The following FHIT variants were observed in gnomAD, a reference collection of about 807,000 sequenced individuals.
The protein encoded by FHIT is fragile histidine triad diadenosine triphosphatase.
FHIT carries 19 observed loss-of-function variants against 17.9 expected under a neutral mutation model. That is an observed-to-expected ratio of 1.06 (90% CI 0.74 to 1.56). FHIT has a LOEUF of 1.56. Among genes scored for constraint, FHIT ranks in the 40% most tolerant of loss-of-function variants. The probability of loss-of-function intolerance (pLI) is 0.00; values close to 1 mark genes in which losing one functional copy is unlikely to be tolerated. For missense variants in FHIT, 248 were observed against 189.2 expected, an observed-to-expected ratio of 1.31 and a Z score of -1.82; for synonymous variants, 81 against 69.7, an observed-to-expected ratio of 1.16 and a Z score of -0.81.
intron 3 of FHIT, among the ~76,000 whole-genome samples, chr3:60,895,595 G>C (rs189956583): frequency 1.3e-5 from 2 of 152,138 alleles, no homozygotes; most frequent in African/African-American, 4.8e-5. Flanking sequence ...ACAGCAATTA[G>C]TTGGTTTTCT....
intron 5 of FHIT, among the ~76,000 whole-genome samples, chr3:60,217,969 A>G (rs748054145): frequency 2.6e-5 from 4 of 152,198 alleles, no homozygotes; most frequent in Non-Finnish European, 4.4e-5. Context: ...GAGATTTGCA[A>G]AACTATAAAG....
At chr3:60,374,999 A>G (rs188875773) in intron 5 of FHIT, among the ~76,000 whole-genome samples, 1 of 152,188 alleles carries the variant, frequency 6.6e-6, no homozygotes, top group Non-Finnish European at 1.5e-5. Context: ...TGGAGCCTGA[A>G]AGGAGAGACT....
At chr3:61,248,418 C>T (rs183131666) in intron 1 of FHIT, among the ~76,000 whole-genome samples, 96 of 152,276 alleles carry the variant, frequency 6.3e-4, no homozygotes, top group Non-Finnish European at 1.1e-3. Flanking sequence ...ATATGGAAAT[C>T]ATCTTTCAGA....
chr3:60,117,141 T>C (rs907944691), intron 5 of FHIT, among the ~76,000 whole-genome samples: 9 of 122,004 alleles, frequency 7.4e-5, no homozygotes, highest in Admixed American at 7.0e-4. Context: ...AATTTTAATA[T>C]GCATTGGACT....
intron 8 of FHIT, among the ~76,000 whole-genome samples, chr3:59,855,017 A>T (rs1463531803): frequency 6.6e-6 from 1 of 152,216 alleles, no homozygotes; most frequent in African/African-American, 2.4e-5. Flanking sequence ...ACTCATATCC[A>T]GTGATCACAA....
intron 3 of FHIT, among the ~76,000 whole-genome samples, chr3:60,932,783 T>G (rs1708025227): frequency 6.6e-6 from 1 of 152,162 alleles, no homozygotes; most frequent in South Asian, 2.1e-4. Flanking sequence ...TCAGTTTTGG[T>G]GTCATCCACT....
chr3:60,101,307 G>A (rs901392189), intron 5 of FHIT, among the ~76,000 whole-genome samples: 1 of 152,164 alleles, frequency 6.6e-6, no homozygotes, highest in Non-Finnish European at 1.5e-5. Context: ...TGTCCACCTC[G>A]GGCCACTCTC....
At chr3:60,319,635 A>G (rs1396782707) in intron 5 of FHIT, among the ~76,000 whole-genome samples, 3 of 152,174 alleles carry the variant, frequency 2.0e-5, no homozygotes, top group Admixed American at 6.5e-5. Flanking sequence ...ATGAGCACAT[A>G]GAAGTCCGTG....
intron 5 of FHIT, among the ~76,000 whole-genome samples, chr3:60,137,353 A>T (rs1699858894): frequency 6.6e-6 from 1 of 152,178 alleles, no homozygotes; most frequent in South Asian, 2.1e-4. Context: ...CACACAATGC[A>T]TTTTTACAAG....
At chr3:60,977,802 T>C (rs1011185520) in intron 3 of FHIT, among the ~76,000 whole-genome samples, 2 of 151,158 alleles carry the variant, frequency 1.3e-5, no homozygotes, top group African/African-American at 4.9e-5. Flanking sequence ...ACCCAGGAGG[T>C]AGAGGTTGCA....
intron 4 of FHIT, among the ~76,000 whole-genome samples, chr3:60,552,836 A>G (rs2036605218): frequency 6.6e-6 from 1 of 152,166 alleles, no homozygotes; most frequent in Admixed American, 6.5e-5. Context: ...AGTCTCATTT[A>G]TTTCTGAGTG....
chr3:60,727,067 T>C (rs1553709769), intron 4 of FHIT, among the ~76,000 whole-genome samples: 1 of 152,228 alleles, frequency 6.6e-6, no homozygotes, highest in Non-Finnish European at 1.5e-5. Context: ...GGATTTTCAG[T>C]ACTGTCTGTT....
intron 5 of FHIT, among the ~76,000 whole-genome samples, chr3:60,516,526 G>A (rs2035165263): frequency 6.6e-6 from 1 of 152,288 alleles, no homozygotes; most frequent in Non-Finnish European, 1.5e-5. Flanking sequence ...GGACTCTAGA[G>A]TTAGACCACC....
chr3:60,129,053 G>GTTTTTTTTTTTTT (rs72428863), intron 5 of FHIT, among the ~76,000 whole-genome samples: 1 of 123,484 alleles, frequency 8.1e-6, no homozygotes, highest in Admixed American at 8.6e-5. Context: ...TTTTTTGTTT[G>GTTTTTTTTTTTTT]TTTTTTTTTT....
At chr3:60,201,737 A>G (rs559417340) in intron 5 of FHIT, among the ~76,000 whole-genome samples, 1 of 152,110 alleles carries the variant, frequency 6.6e-6, no homozygotes, top group Non-Finnish European at 1.5e-5. Flanking sequence ...TAAACAGTCA[A>G]TACTAATAAA....
intron 7 of FHIT, among the ~76,000 whole-genome samples, chr3:59,988,730 A>G (rs1282150952): frequency 6.6e-6 from 1 of 152,124 alleles, no homozygotes; most frequent in Non-Finnish European, 1.5e-5. Flanking sequence ...CCGAAGGATC[A>G]AGGACGACTT....
Position 60,074,216 on chromosome 3 carries a change from C to T in FHIT, c.104-60064G>A, listed in dbSNP as rs141997528. Among the ~76,000 whole-genome samples, 223 of 152,172 alleles carry T rather than the reference C, an allele frequency of 1.5e-3. 1 individual carries two copies. The highest frequency in any genetic ancestry group is 4.5e-3 in the African/African-American group (185 of 41,532). Reference sequence around the variant, plus strand: ...GACTCTTATTTCAATCCACCAAGTACTGGGGACAGTTTGGTACACATGAGT... The same window carrying T: ...GACTCTTATTTCAATCCACCAAGTATTGGGGACAGTTTGGTACACATGAGT... On this transcript the variant is annotated intron_variant, in intron 5 of 9. Transcript: ENST00000492590.
At chr3:61,062,139 A>G (rs2034451030) in intron 2 of FHIT, among the ~76,000 whole-genome samples, 1 of 152,194 alleles carries the variant, frequency 6.6e-6, no homozygotes, top group South Asian at 2.1e-4. Context: ...AGGAATTTCT[A>G]TGTCAAAATA....
intron 5 of FHIT, among the ~76,000 whole-genome samples, chr3:60,480,192 A>C (rs1559949245): frequency 2.0e-5 from 3 of 152,082 alleles, no homozygotes; most frequent in Admixed American, 1.3e-4. Flanking sequence ...GAGTCCGGAG[A>C]CTTATCAAAT....
Sources: gnomAD v4.1 joint callset for allele counts (sites outside exome capture counted in the v4.1 genomes callset) on GRCh38, gnomAD v4.1.1 for gene constraint, MANE v1.5 for transcripts, NCBI Gene and HGNC (gene_info 2026-07-23, HGNC 2026-07-21) for gene names.